The following NCOA1 variants were observed in gnomAD, a reference collection of about 807,000 sequenced individuals.
The protein encoded by NCOA1 is nuclear receptor coactivator 1, also known as Hin-2 protein.
NCOA1 carries 35 observed loss-of-function variants against 150.9 expected under a neutral mutation model. The observed-to-expected ratio is 0.23, with a 90% CI of 0.18 to 0.31. NCOA1 has a LOEUF of 0.31. Ranked by LOEUF, NCOA1 falls within the 10% of genes least tolerant of loss-of-function variation. The pLI is 1.00. For synonymous variants in NCOA1, 590 were observed against 630.0 expected, an observed-to-expected ratio of 0.94 and a Z score of 0.95; for missense variants, 1,491 against 1,749.3, an observed-to-expected ratio of 0.85 and a Z score of 2.63.
At chr2:24,684,961 T>G (rs1404168920) in intron 8 of NCOA1, among the ~76,000 whole-genome samples, 1 of 152,078 alleles carries the variant, frequency 6.6e-6, no homozygotes, top group Non-Finnish European at 1.5e-5. Context: ...ATAATCAAAG[T>G]ATTAGAAAAT....
chr2:24,527,538 C>T (rs1458786730), intron 1 of NCOA1, among the ~76,000 whole-genome samples: 3 of 152,080 alleles, frequency 2.0e-5, no homozygotes, highest in African/African-American at 7.2e-5. Flanking sequence ...ATATGTACAC[C>T]ACAGTTTTTT....
intron 21 of NCOA1, among the ~76,000 whole-genome samples, chr2:24,758,825 A>G (rs1359715713): frequency 6.6e-6 from 1 of 151,680 alleles, no homozygotes; most frequent in Non-Finnish European, 1.5e-5. Context: ...TACTAAAAAA[A>G]AAACAAACAA....
intron 14 of NCOA1, among the ~76,000 whole-genome samples, chr2:24,719,750 G>A (rs908832239): frequency 3.3e-5 from 5 of 152,144 alleles, no homozygotes; most frequent in African/African-American, 4.8e-5. Flanking sequence ...ATATTGAACC[G>A]GGGGCCTGGC....
intron 6 of NCOA1, among the ~76,000 whole-genome samples, chr2:24,671,706 A>G (rs1425355242): frequency 1.3e-5 from 2 of 152,002 alleles, no homozygotes; most frequent in Non-Finnish European, 2.9e-5. Flanking sequence ...GATTACAGAC[A>G]TGTGCCACCA....
Position 24,710,874 on chromosome 2 carries a change from G to A in NCOA1, c.2419-57G>A, listed in dbSNP as rs143642262. On this transcript the variant is annotated intron_variant, in intron 13 of 22. Coordinates refer to ENST00000348332, the MANE Select transcript of NCOA1 (RefSeq NM_003743.5). ...TTAAAGAAGCAGCATTTTTTTCTAC[G>A]TTGTTTCAGGTGAAAGTGTAAAATA... is the stretch of plus-strand genomic sequence containing the variant. 2.2e-4 allele frequency: 333 copies of A among 1,524,738 alleles called. No homozygotes were observed. In the African/African-American group the frequency reaches 2.3e-3, roughly 11 times the overall value. 94.5% of individuals were successfully genotyped at this position (1,524,738 alleles called of 1,614,324 possible). A position where few individuals can be genotyped will look rare whatever the true frequency, so the allele number is the denominator to read the frequency against.
At chr2:24,743,349 C>T (rs183413243) in intron 19 of NCOA1, among the ~76,000 whole-genome samples, 136 of 152,300 alleles carry the variant, frequency 8.9e-4, no homozygotes, top group Admixed American at 2.1e-3. Flanking sequence ...AGTTTCCATT[C>T]TGATGGTAGC....
chr2:24,564,104 A>G (rs1221510050), intron 1 of NCOA1, among the ~76,000 whole-genome samples, 191 bp from the exon 2 acceptor site: 3 of 152,256 alleles, frequency 2.0e-5, no homozygotes, highest in South Asian at 2.1e-4. Flanking sequence ...ATATTTATCT[A>G]TTATACCTTT....
chr2:24,768,905 T>C lies in NCOA1; in HGVS notation c.*514T>C, dbSNP rs902613250. ...AGGCAGCTTGTGTGTACAATCAGCT[T>C]CTCTAGCAACTCTGTATCTGTTGGC... is the stretch of plus-strand genomic sequence containing the variant. On this transcript the variant is annotated 3_prime_UTR_variant, in exon 23 of 23. Transcript: ENST00000348332. The C allele has an allele frequency of 4.5e-6, 1 of 220,528 alleles. No homozygotes were observed. The highest frequency in any genetic ancestry group is 9.1e-6 in the Non-Finnish European group (1 of 109,992). 13.7% of individuals were successfully genotyped at this position (220,528 alleles called of 1,614,324 possible).
chr2:24,508,781 T>C (rs550529133), intron 1 of NCOA1, among the ~76,000 whole-genome samples: 3 of 152,216 alleles, frequency 2.0e-5, no homozygotes, highest in Admixed American at 2.0e-4. Context: ...ATTAAGATGT[T>C]ATTTTTTTGG....
intron 3 of NCOA1, among the ~76,000 whole-genome samples, chr2:24,600,558 AC>A (rs1668070646): frequency 6.6e-6 from 1 of 152,126 alleles, no homozygotes; most frequent in Non-Finnish European, 1.5e-5. Context: ...TTTTGTTGTT[AC>A]TTATACTGTG....
chr2:24,591,917 G>A (rs1054192258), intron 3 of NCOA1, among the ~76,000 whole-genome samples: 6 of 151,952 alleles, frequency 3.9e-5, no homozygotes, highest in African/African-American at 7.2e-5. Flanking sequence ...AAGTTTTCTT[G>A]AAATCCCAGT....
chr2:24,523,621 A>C, intron 1 of NCOA1, among the ~76,000 whole-genome samples: 1 of 132,400 alleles, frequency 7.6e-6, no homozygotes, highest in Non-Finnish European at 1.6e-5. Context: ...AAAAAAAAAA[A>C]AAAAAAAAAG....
chr2:24,542,740 T>C (rs1665451198), intron 1 of NCOA1, among the ~76,000 whole-genome samples: 1 of 152,186 alleles, frequency 6.6e-6, no homozygotes, highest in African/African-American at 2.4e-5. Context: ...ATACAAAGGC[T>C]AAAGAGAGAT....
intron 1 of NCOA1, among the ~76,000 whole-genome samples, chr2:24,545,733 C>T (rs72805205): frequency 0.046 from 6,936 of 152,242 alleles, 252 homozygotes; most frequent in East Asian, 0.2. Context: ...GTACTCTTTA[C>T]GTATGTGGCT....
At chr2:24,763,821 C>T (rs1664917713) in intron 22 of NCOA1, among the ~76,000 whole-genome samples, 1 of 151,710 alleles carries the variant, frequency 6.6e-6, no homozygotes, top group Non-Finnish European at 1.5e-5. Context: ...AGGTTTTCGC[C>T]ATTTTGACCA....
chr2:24,753,550 C>T (rs1434301836), intron 20 of NCOA1, among the ~76,000 whole-genome samples: 1 of 152,212 alleles, frequency 6.6e-6, no homozygotes, highest in Non-Finnish European at 1.5e-5. Flanking sequence ...AGTTAAATGT[C>T]CTTTTCAGTG....
At chr2:24,655,949 A>G (rs1033106665) in intron 4 of NCOA1, among the ~76,000 whole-genome samples, 12 of 151,940 alleles carry the variant, frequency 7.9e-5, no homozygotes, top group Non-Finnish European at 8.8e-5. Context: ...TTAGCCGGGC[A>G]TGGTGGCAGG....
At chr2:24,762,137 AC>A (rs1161707415) in intron 21 of NCOA1, among the ~76,000 whole-genome samples, 1 of 152,250 alleles carries the variant, frequency 6.6e-6, no homozygotes, top group Non-Finnish European at 1.5e-5. Context: ...AGCCGGAAAT[AC>A]ACTCCAGGCA....
chr2:24,761,730 G>C (rs1664801890), intron 21 of NCOA1, among the ~76,000 whole-genome samples: 2 of 152,052 alleles, frequency 1.3e-5, no homozygotes, highest in African/African-American at 4.8e-5. Flanking sequence ...CTTGAGCTTT[G>C]TTCTAGGAAA....
Sources: allele counts gnomAD v4.1 joint callset (sites outside exome capture counted in the v4.1 genomes callset), GRCh38; gene constraint gnomAD v4.1.1; transcripts MANE v1.5; gene names NCBI Gene and HGNC (gene_info 2026-07-23, HGNC 2026-07-21).